AGBL2: variants seen among roughly 807,000 people sequenced by gnomAD.
AGBL2 encodes the protein AGBL carboxypeptidase 2, also known as cytosolic carboxypeptidase 2.
AGBL2 carries 87 observed loss-of-function variants against 103.0 expected under a neutral mutation model. The observed-to-expected ratio is 0.84, with a 90% CI of 0.71 to 1.01. The LOEUF (loss-of-function observed/expected upper bound fraction) is 1.01. AGBL2 is among the 50% of genes least tolerant of loss of function. AGBL2 has a pLI of 0.00. For synonymous variants in AGBL2, 335 were observed against 356.7 expected (o/e 0.94, Z 0.69); for missense variants, 904 against 1,023.5 (o/e 0.88, Z 1.59).
intron 10 of AGBL2, 141 bp from the exon 11 acceptor site, chr11:47,686,190 A>G: frequency 1.3e-6 from 1 of 787,268 alleles, no homozygotes; most frequent in Non-Finnish European, 2.0e-6. Flanking sequence ...CCTTCAATGG[A>G]CCCTATCTCC....
chr11:47,672,693 A>G (rs1024636045), intron 14 of AGBL2, among the ~76,000 whole-genome samples: 5 of 152,076 alleles, frequency 3.3e-5, no homozygotes, highest in Non-Finnish European at 7.4e-5. Context: ...ATTCTGAGAG[A>G]GTGGAAGGGA....
chr11:47,696,210 CA>C lies in AGBL2; in HGVS notation c.694+3235del, dbSNP rs958266614. Reference sequence around the variant, plus strand: ...CAAAAAAAAAAAAAAAAAAAGATTTCAAACAAACCTTGTGAAGTAGGTCATT... The same window carrying C: ...CAAAAAAAAAAAAAAAAAAAGATTTCAACAAACCTTGTGAAGTAGGTCATT... On this transcript the variant is annotated intron_variant, in intron 8 of 18. Coordinates refer to ENST00000525123, the MANE Select transcript of AGBL2 (RefSeq NM_024783.4). 2.1e-5 allele frequency among the ~76,000 whole-genome samples: 3 copies of C among 143,750 alleles called. No homozygotes were observed. In the Admixed American group the frequency reaches 2.1e-4, roughly 10 times the overall value. 94.3% of individuals were successfully genotyped at this position (143,750 alleles called of 152,430 possible). A position where few individuals can be genotyped will look rare whatever the true frequency, so the allele number is the denominator to read the frequency against.
At chr11:47,681,670 C>G (rs564941107) in intron 12 of AGBL2, among the ~76,000 whole-genome samples, 6 of 152,166 alleles carry the variant, frequency 3.9e-5, no homozygotes, top group South Asian at 4.1e-4. Context: ...ATGTTGGTCA[C>G]GCTGGTCTTG....
At chr11:47,686,451 T>G (rs1218167319) in intron 10 of AGBL2, among the ~76,000 whole-genome samples, 1 of 147,054 alleles carries the variant, frequency 6.8e-6, no homozygotes, top group East Asian at 2.0e-4. Flanking sequence ...TTTCTGGTTT[T>G]TTTTTTTTTT....
In AGBL2 at chr11:47,692,156, A is replaced by G; in HGVS notation, c.795T>C (p.Thr265=). The change falls in exon 9 of 19, where the codon ACT becomes ACC. Residue 265 remains threonine, a synonymous_variant. Transcript: ENST00000525123. Reference sequence around the variant, plus strand: ...TCTCAAACCTTGATTCAAACAGTAGAGTATTATCTTCTGGTCCTTGCAACG... The same window carrying G: ...TCTCAAACCTTGATTCAAACAGTAGGGTATTATCTTCTGGTCCTTGCAACG... ...AVTLQGPEDN[T]LLFESRFESG... is the part of the protein sequence containing the mutation. 1.9e-6 allele frequency: 3 copies of G among 1,613,694 alleles called. No homozygotes were observed. Among genetic ancestry groups the G allele is most frequent in the Non-Finnish European group, 2.5e-6 (3 of 1,179,788 alleles).
Position 47,660,080 on chromosome 11 carries a change from A to G in AGBL2, c.*93T>C. 2.2e-6 allele frequency: 3 copies of G among 1,376,142 alleles called. No individual in the cohort carries two copies. The allele number at this position is 1,376,142 out of a possible 1,614,324, so 85.2% of individuals were successfully genotyped here. A position where few individuals can be genotyped will look rare whatever the true frequency, so the allele number is the denominator to read the frequency against. On this transcript the variant is annotated 3_prime_UTR_variant, in exon 19 of 19. Transcript: ENST00000525123. ...GCACAACACAGTATACCACAAGTAAATGCAGTTCCCAGTCATACATCTCCC... is the reference window on the plus strand; with the variant it reads ...GCACAACACAGTATACCACAAGTAAGTGCAGTTCCCAGTCATACATCTCCC...
chr11:47,677,416 A>T lies in AGBL2; in HGVS notation c.2017-15T>A. 6.9e-7 allele frequency: 1 copy of T among 1,458,994 alleles called. No individual in the cohort carries two copies. The highest frequency in any genetic ancestry group is 9.0e-7 in the Non-Finnish European group (1 of 1,105,146). 90.4% of individuals were successfully genotyped at this position (1,458,994 alleles called of 1,614,324 possible). A position where few individuals can be genotyped will look rare whatever the true frequency, so the allele number is the denominator to read the frequency against. On this transcript the variant is annotated splice_polypyrimidine_tract_variant and intron_variant, in intron 13 of 18. Transcript: ENST00000525123. ...CACTGAGTGAACTATGAAAGTGAAA[A>T]AAAGAACTATTTTGTTAATTCATTT...
rs143153344 is a variant in AGBL2, at chr11:47,690,556, G to A, written c.1151C>T (p.Pro384Leu). ...FYCLTWTIQF[P>L]YDQDTCFFAH... Reference sequence around the variant, plus strand: ...AAAGAAGCAAGTGTCCTGGTCATATGGAAACTGAATGGTCCACGTGAGACA... The same window carrying A: ...AAAGAAGCAAGTGTCCTGGTCATATAGAAACTGAATGGTCCACGTGAGACA... The change falls in exon 10 of 19, where the codon CCA becomes CTA. Residue 384 changes from proline (P) to leucine (L), a missense_variant. Pro to Leu is a moderately conservative substitution (Grantham distance 98, BLOSUM62 -3). Coordinates refer to ENST00000525123, the MANE Select transcript of AGBL2 (RefSeq NM_024783.4). The A allele has an allele frequency of 1.1e-5, 18 of 1,614,162 alleles. No individual in the cohort carries two copies. The African/African-American group carries it at 2.0e-4, about 18-fold the overall frequency.
chr11:47,678,343 A>ATTATTTTTTTATTTTTTATTTTTTTTTT (rs2097385523), intron 13 of AGBL2, among the ~76,000 whole-genome samples: 1 of 116,762 alleles, frequency 8.6e-6, no homozygotes, highest in Non-Finnish European at 1.9e-5. Context: ...TTATTATTTT[A>ATTATTTTTTTATTTTTTATTTTTTTTTT]TTTTTTTTGA....
In AGBL2 at chr11:47,681,967, A is replaced by T. The variant is rs146693632; in HGVS notation, c.1915+2T>A. ...GCCTATGATATACAAAAGAGAATGT[A>T]CCCAGGGTGGACCCGCCAAAGGTAG... On this transcript the variant is annotated splice_donor_variant, in intron 12 of 18. Coordinates refer to ENST00000525123, the MANE Select transcript of AGBL2 (RefSeq NM_024783.4). LOFTEE classifies it high-confidence loss of function. 3 of 1,613,478 alleles carry T rather than the reference A, an allele frequency of 1.9e-6. No homozygotes were observed. In the African/African-American group the frequency reaches 4.0e-5, roughly 22 times the overall value.
rs1197069546 is a variant in AGBL2, at chr11:47,667,664, T to A, written c.2247A>T (p.Lys749Asn). The change falls in exon 16 of 19, where the codon AAA (lysine) becomes AAT (asparagine). Residue 749 changes from lysine (K) to asparagine (N), a missense_variant. Coordinates refer to ENST00000525123, the MANE Select transcript of AGBL2 (RefSeq NM_024783.4). ...TCCTAGTCTGAAGTGACTTCTTTTT[T>A]TTCTTCTTAAACATCTTCTTTTTCT... is the stretch of plus-strand genomic sequence containing the variant. Reference protein sequence around the residue: ...LTQKKKMFKKKKKKSLQTRKQ... With the variant: ...LTQKKKMFKKNKKKSLQTRKQ... 5 of 1,612,946 alleles carry A rather than the reference T, an allele frequency of 3.1e-6. No individual in the cohort carries two copies. The Admixed American group carries it at 8.4e-5, about 27-fold the overall frequency.
intron 8 of AGBL2, among the ~76,000 whole-genome samples, chr11:47,698,344 G>A (rs1321698562): frequency 6.7e-6 from 1 of 150,222 alleles, no homozygotes; most frequent in East Asian, 2.0e-4. Flanking sequence ...GGCTAATTTT[G>A]TATTTTCAGT....
At chr11:47,672,165 G>A (rs2097359567) in intron 14 of AGBL2, among the ~76,000 whole-genome samples, 1 of 152,044 alleles carries the variant, frequency 6.6e-6, no homozygotes, top group South Asian at 2.1e-4. Flanking sequence ...TGACCAAGCT[G>A]GTCTCCAACT....
chr11:47,708,595 C>T (rs965134067), intron 4 of AGBL2, among the ~76,000 whole-genome samples: 8 of 150,854 alleles, frequency 5.3e-5, no homozygotes, highest in Non-Finnish European at 1.0e-4. Context: ...GCAGGCGGGT[C>T]GCGAGGTCAA....
intron 17 of AGBL2, among the ~76,000 whole-genome samples, chr11:47,665,835 C>A (rs1355688076): frequency 6.6e-6 from 1 of 151,862 alleles, no homozygotes; most frequent in African/African-American, 2.4e-5. Flanking sequence ...CATGGTGAAA[C>A]CCCGTCTGTA....
At chr11:47,682,301 G>A (rs545984477) in intron 11 of AGBL2, among the ~76,000 whole-genome samples, 85 of 149,364 alleles carry the variant, frequency 5.7e-4, no homozygotes, top group African/African-American at 2.0e-3. Context: ...GGGAGATGAA[G>A]GGTTAACAAA....
chr11:47,677,452 A>T (rs760751739), intron 13 of AGBL2, 51 bp from the exon 14 acceptor site: 23 of 1,179,334 alleles, frequency 2.0e-5, no homozygotes, highest in Non-Finnish European at 2.5e-5. Flanking sequence ...TATTTTATTT[A>T]TTTATTATTA....
intron 9 of AGBL2, 37 bp from the exon 10 acceptor site, chr11:47,690,895 C>T (rs2097442610): frequency 6.6e-7 from 1 of 1,520,972 alleles, no homozygotes; most frequent in Non-Finnish European, 8.8e-7. Context: ...TGTAAGCTTA[C>T]ACCCTGCCTT....
chr11:47,667,134 A>G, intron 16 of AGBL2, 71 bp from the exon 17 acceptor site: 1 of 1,048,428 alleles, frequency 9.5e-7, no homozygotes. Context: ...CCCAACAGCA[A>G]AACTTGTACT....
Sources: allele counts gnomAD v4.1 joint callset (sites outside exome capture counted in the v4.1 genomes callset), GRCh38; gene constraint gnomAD v4.1.1; transcripts MANE v1.5; gene names NCBI Gene and HGNC (gene_info 2026-07-23, HGNC 2026-07-21).